Variants in ROBO2 observed in about 807,000 individuals in gnomAD.
ROBO2 encodes roundabout homolog 2.
A neutral mutation model predicts 160.8 loss-of-function variants in ROBO2; 53 were observed. The observed-to-expected ratio is 0.33, with a 90% CI of 0.26 to 0.41. ROBO2 has a LOEUF of 0.41. Among genes scored for constraint, ROBO2 ranks in the 10% least tolerant of loss-of-function variants. The pLI is 1.00. For missense variants in ROBO2, 1,577 were observed against 1,722.4 expected, an observed-to-expected ratio of 0.92 and a Z score of 1.49; for synonymous variants, 664 against 611.7, an observed-to-expected ratio of 1.09 and a Z score of -1.26.
intron 2 of ROBO2, among the ~76,000 whole-genome samples, chr3:76,518,973 G>A (rs2081470251): frequency 6.6e-6 from 1 of 152,142 alleles, no homozygotes; most frequent in South Asian, 2.1e-4. Context: ...TATTTAAGAA[G>A]TAATAGCTGT....
intron 2 of ROBO2, among the ~76,000 whole-genome samples, chr3:77,376,241 G>A (rs1375247131): frequency 3.8e-5 from 5 of 131,978 alleles, no homozygotes; most frequent in African/African-American, 1.2e-4. Flanking sequence ...TGCAACCTCC[G>A]CCTCCCAGGT....
intron 2 of ROBO2, among the ~76,000 whole-genome samples, chr3:77,152,697 G>A (rs1451113422): frequency 1.3e-5 from 2 of 152,216 alleles, no homozygotes; most frequent in Admixed American, 1.3e-4. Flanking sequence ...TGCATTTCTG[G>A]TTTCCCAAAT....
chr3:76,445,586 A>G (rs1303308699), intron 2 of ROBO2, among the ~76,000 whole-genome samples: 1 of 152,138 alleles, frequency 6.6e-6, no homozygotes, highest in Non-Finnish European at 1.5e-5. Flanking sequence ...GACACAACGA[A>G]AAAAGAGAAT....
At chr3:76,597,239 A>G (rs989184719) in intron 2 of ROBO2, among the ~76,000 whole-genome samples, 1 of 152,094 alleles carries the variant, frequency 6.6e-6, no homozygotes, top group South Asian at 2.1e-4. Flanking sequence ...AGAACAATTC[A>G]TAAAAGAAAA....
chr3:75,977,593 G>T (rs886708632), intron 2 of ROBO2, among the ~76,000 whole-genome samples: 17 of 151,438 alleles, frequency 1.1e-4, no homozygotes, highest in African/African-American at 3.9e-4. Context: ...AAAATATAAG[G>T]ATATGAATTT....
At position 77,607,891 on chromosome 3, in the gene ROBO2, C is replaced by A. The variant is rs199764877; in HGVS notation, c.3230C>A (p.Pro1077His). ...TGGGCCAATGTCCCTCTACCTCCCC[C>A]CCCAGTCCAGCCCCTTCCTGGCACG... The change falls in exon 21 of 26, where the codon CCC becomes CAC. Residue 1077 changes from proline to histidine, a missense_variant. Physicochemically the swap from Pro to His is moderately conservative, Grantham distance 77. Around this residue, in one of 2 missense-constraint regions of ROBO2, gnomAD observed 637 missense variants for 586.9 expected, o/e 1.09. Coordinates refer to ENST00000461745, the Ensembl canonical transcript of ROBO2. 42 of 1,613,854 alleles carry A rather than the reference C, an allele frequency of 2.6e-5. No individual in the cohort carries two copies. Among genetic ancestry groups the A allele is most frequent in the Middle Eastern group, 1.6e-4 (1 of 6,084 alleles).
chr3:76,061,230 T>C (rs1362159153), intron 2 of ROBO2, among the ~76,000 whole-genome samples: 1 of 152,228 alleles, frequency 6.6e-6, no homozygotes, highest in Non-Finnish European at 1.5e-5. Flanking sequence ...GGAATTGTTT[T>C]GCTGAATAAA....
chr3:77,231,363 C>CAA (rs60535204), intron 2 of ROBO2, among the ~76,000 whole-genome samples: 2,814 of 58,376 alleles, frequency 0.048, 130 homozygotes, highest in African/African-American at 0.12. Context: ...AGACTCCATC[C>CAA]AAAAAAAAAA....
intron 2 of ROBO2, among the ~76,000 whole-genome samples, chr3:76,397,144 G>A (rs916178173): frequency 6.6e-6 from 1 of 152,096 alleles, no homozygotes; most frequent in East Asian, 1.9e-4. Context: ...CAATGGAACA[G>A]AACAGAGCCC....
chr3:77,424,950 A>T (rs886556071), intron 2 of ROBO2, among the ~76,000 whole-genome samples: 5 of 152,200 alleles, frequency 3.3e-5, no homozygotes, highest in Non-Finnish European at 7.3e-5. Flanking sequence ...AAAAGGCAAC[A>T]CAAGTATCCC....
rs2064898915 is a variant in ROBO2 at position 77,322,871 on chromosome 3, T to TTATATAATATATTATATTATACA, written c.389-154540_389-154539insATAATATATTATATTATACATAT. The stretch of plus-strand genomic sequence containing the variant: ...TATTATACATATGTATTATAATATA[T>TTATATAATATATTATATTATACA]TATGTAATATATTATATTATACATA... On this transcript the variant is annotated intron_variant, in intron 2 of 25. Coordinates refer to ENST00000461745, the Ensembl canonical transcript of ROBO2. Among the ~76,000 whole-genome samples the TTATATAATATATTATATTATACA allele has an allele frequency of 2.8e-5, 2 of 71,468 alleles. 1 individual carries two copies. The highest frequency in any genetic ancestry group is 4.7e-5 in the Non-Finnish European group (2 of 42,714). 46.9% of individuals were successfully genotyped at this position (71,468 alleles called of 152,430 possible).
chr3:76,344,373 A>G (rs1576559663), intron 2 of ROBO2, among the ~76,000 whole-genome samples: 1 of 152,168 alleles, frequency 6.6e-6, no homozygotes, highest in South Asian at 2.1e-4. Flanking sequence ...TGCTTAAAGT[A>G]TGAGAAAAAA....
At chr3:77,502,806 A>G (rs2087812328) in intron 5 of ROBO2, among the ~76,000 whole-genome samples, 2 of 152,186 alleles carry the variant, frequency 1.3e-5, no homozygotes, top group Admixed American at 6.5e-5. Flanking sequence ...ATACTACATT[A>G]TTTTATATAA....
At chr3:76,436,159 AAC>A (rs3065704) in intron 2 of ROBO2, among the ~76,000 whole-genome samples, 6 of 140,568 alleles carry the variant, frequency 4.3e-5, no homozygotes, top group Admixed American at 7.2e-5. Context: ...TTAAAAGGAA[AAC>A]ACACACACAC....
At chr3:76,693,726 TAC>T (rs1182467578) in intron 2 of ROBO2, among the ~76,000 whole-genome samples, 1 of 152,112 alleles carries the variant, frequency 6.6e-6, no homozygotes, top group Non-Finnish European at 1.5e-5. Context: ...TGGTGCAAGT[TAC>T]ACAGTCTGAA....
intron 1 of ROBO2, among the ~76,000 whole-genome samples, chr3:77,097,467 C>T (rs2071241735): frequency 6.6e-6 from 1 of 152,200 alleles, no homozygotes; most frequent in East Asian, 1.9e-4. Flanking sequence ...GTTCAAAATC[C>T]TGCCTCTGCT....
intron 2 of ROBO2, among the ~76,000 whole-genome samples, chr3:76,159,890 G>C (rs2072554247): frequency 6.6e-6 from 1 of 152,064 alleles, no homozygotes; most frequent in African/African-American, 2.4e-5. Context: ...AAACAAAAAA[G>C]ATGTCAGAAG....
At chr3:77,127,270 G>A (rs919612212) in intron 2 of ROBO2, among the ~76,000 whole-genome samples, 3 of 152,000 alleles carry the variant, frequency 2.0e-5, no homozygotes, top group African/African-American at 4.8e-5. Flanking sequence ...CATAAAACCC[G>A]TTTTATTCTG....
At chr3:77,594,498 G>A (rs189562757) in intron 17 of ROBO2, among the ~76,000 whole-genome samples, 2 of 152,244 alleles carry the variant, frequency 1.3e-5, no homozygotes, top group Admixed American at 1.3e-4. Flanking sequence ...GTTACATGGA[G>A]GATTCAACTT....
Sources: gnomAD v4.1 joint callset for allele counts (sites outside exome capture counted in the v4.1 genomes callset) on GRCh38, gnomAD v4.1.1 for gene constraint, gnomAD v4.1.1 regional missense constraint, MANE v1.5 for transcripts, NCBI Gene and HGNC (gene_info 2026-07-23, HGNC 2026-07-21) for gene names.